The following ADAMTSL1 variants were observed in gnomAD, a reference collection of about 807,000 sequenced individuals.
The protein encoded by ADAMTSL1 is ADAMTS-like protein 1.
A neutral mutation model predicts 201.8 loss-of-function variants in ADAMTSL1; 126 were observed. The ratio of observed to expected loss-of-function variants is 0.62; its 90% CI spans 0.54 to 0.72. The LOEUF (loss-of-function observed/expected upper bound fraction) is 0.72. Among genes scored for constraint, ADAMTSL1 ranks in the 30% least tolerant of loss-of-function variants. ADAMTSL1 has a pLI of 0.00. For synonymous variants in ADAMTSL1, 1,121 were observed against 903.4 expected, an observed-to-expected ratio of 1.24 and a Z score of -4.32; for missense variants, 2,679 against 2,277.8, an observed-to-expected ratio of 1.18 and a Z score of -3.59.
intron 1 of ADAMTSL1, among the ~76,000 whole-genome samples, chr9:18,064,524 A>G (rs1822606471): frequency 6.6e-6 from 1 of 152,216 alleles, no homozygotes; most frequent in Admixed American, 6.5e-5. Flanking sequence ...CACAGTTTCT[A>G]TATTCACTTT....
chr9:18,646,904 C>A (rs192576658), intron 7 of ADAMTSL1, among the ~76,000 whole-genome samples: 19 of 151,998 alleles, frequency 1.3e-4, no homozygotes, highest in African/African-American at 2.2e-4. Flanking sequence ...CAGGCCTCAT[C>A]AAATGAGTTA....
rs188744687 is a variant in ADAMTSL1, at chr9:18,727,354, G to A, written c.2006+5689G>A. 1.4e-3 allele frequency among the ~76,000 whole-genome samples: 211 copies of A among 152,318 alleles called. 1 individual carries two copies. The highest frequency in any genetic ancestry group is 4.9e-3 in the African/African-American group (205 of 41,574). ...CCACACTAACTTTTAAGTGCTTAAA[G>A]CAAAAGTACACCAGAGCTCACTGGC... On this transcript the variant is annotated intron_variant, in intron 15 of 28. Coordinates refer to ENST00000380548, the MANE Select transcript of ADAMTSL1 (RefSeq NM_001040272.6).
intron 2 of ADAMTSL1, among the ~76,000 whole-genome samples, chr9:18,429,562 C>T (rs1317307392): frequency 6.6e-6 from 1 of 152,066 alleles, no homozygotes; most frequent in Non-Finnish European, 1.5e-5. Flanking sequence ...CAGAACAATG[C>T]TTCCAGGATT....
At chr9:18,882,567 C>T (rs1828597115) in intron 23 of ADAMTSL1, among the ~76,000 whole-genome samples, 1 of 152,130 alleles carries the variant, frequency 6.6e-6, no homozygotes, top group South Asian at 2.1e-4. Flanking sequence ...GGACTGACTT[C>T]TCTCCCCAAG....
chr9:18,164,794 C>T (rs562534750), intron 2 of ADAMTSL1, among the ~76,000 whole-genome samples: 1 of 151,980 alleles, frequency 6.6e-6, no homozygotes, highest in African/African-American at 2.4e-5. Context: ...ACCTTCTGTA[C>T]CCTAACTCTT....
intron 12 of ADAMTSL1, 103 bp downstream of exon 12, chr9:18,682,062 TAAG>T (rs1034562966): frequency 1.4e-5 from 18 of 1,295,766 alleles, no homozygotes; most frequent in Non-Finnish European, 1.7e-5. Context: ...GTATTCTTAG[TAAG>T]AATTCTTTAT....
intron 2 of ADAMTSL1, among the ~76,000 whole-genome samples, chr9:18,223,094 T>G (rs557770087): frequency 7.2e-5 from 11 of 152,176 alleles, no homozygotes; most frequent in African/African-American, 2.6e-4. Context: ...TAAGGCTTGG[T>G]GTATTCATCA....
intron 2 of ADAMTSL1, among the ~76,000 whole-genome samples, chr9:18,225,819 T>C (rs529839026): frequency 2.0e-5 from 3 of 152,280 alleles, no homozygotes; most frequent in Non-Finnish European, 4.4e-5. Flanking sequence ...ATACTCTAAT[T>C]AAAATTCCTG....
chr9:17,963,412 G>A (rs1168075945), intron 1 of ADAMTSL1, among the ~76,000 whole-genome samples: 2 of 152,166 alleles, frequency 1.3e-5, no homozygotes, highest in Non-Finnish European at 2.9e-5. Context: ...CATTCAGGAT[G>A]ACATTTTATT....
At chr9:18,701,748 TA>T (rs1293044483) in intron 13 of ADAMTSL1, among the ~76,000 whole-genome samples, 2 of 152,198 alleles carry the variant, frequency 1.3e-5, no homozygotes, top group African/African-American at 4.8e-5. Flanking sequence ...ATTTTTAAAT[TA>T]GGGCATGAAA....
chr9:18,696,874 T>C (rs1248320943), intron 13 of ADAMTSL1, among the ~76,000 whole-genome samples: 1 of 148,126 alleles, frequency 6.8e-6, no homozygotes, highest in Non-Finnish European at 1.5e-5. Flanking sequence ...AATATTATTA[T>C]TATTATTATT....
intron 3 of ADAMTSL1, among the ~76,000 whole-genome samples, chr9:18,549,560 T>A (rs976280302): frequency 1.1e-4 from 17 of 152,050 alleles, no homozygotes; most frequent in Non-Finnish European, 2.4e-4. Context: ...TATGTATGTA[T>A]GTATGTATGC....
intron 1 of ADAMTSL1, among the ~76,000 whole-genome samples, chr9:18,092,308 C>G (rs545624141): frequency 3.6e-4 from 55 of 152,208 alleles, no homozygotes; most frequent in African/African-American, 1.1e-3. Context: ...GAGATTATCT[C>G]TCTGGGAAGG....
intron 2 of ADAMTSL1, among the ~76,000 whole-genome samples, chr9:18,183,569 T>C (rs547117820): frequency 1.3e-5 from 2 of 152,222 alleles, no homozygotes; most frequent in African/African-American, 2.4e-5. Context: ...CCTTAACAGA[T>C]ACCTCACCAA....
chr9:18,233,298 T>C (rs1332080595), intron 2 of ADAMTSL1, among the ~76,000 whole-genome samples: 5 of 152,120 alleles, frequency 3.3e-5, no homozygotes, highest in African/African-American at 1.2e-4. Flanking sequence ...TGTAAGAATA[T>C]GAAAAACAAA....
rs568971674 is a variant in ADAMTSL1, at chr9:18,486,735, T to C, written c.63+12440T>C. On this transcript the variant is annotated intron_variant, in intron 1 of 28. Transcript: ENST00000380548. The stretch of plus-strand genomic sequence containing the variant: ...AAAAGCGGAGTGGGAGTGAAAATCC[T>C]GTGCTTTTTGAAAGCTTTACCTCCC... 9.2e-5 allele frequency among the ~76,000 whole-genome samples: 14 copies of C among 152,258 alleles called. No homozygotes were observed. The East Asian group carries it at 2.5e-3, about 27-fold the overall frequency.
At chr9:18,365,143 A>T (rs1836712823) in intron 2 of ADAMTSL1, among the ~76,000 whole-genome samples, 1 of 152,164 alleles carries the variant, frequency 6.6e-6, no homozygotes, top group South Asian at 2.1e-4. Context: ...AGTAGCTCCA[A>T]ACCATAACCA....
intron 9 of ADAMTSL1, among the ~76,000 whole-genome samples, chr9:18,672,202 C>A (rs1198604375): frequency 6.8e-6 from 1 of 147,490 alleles, no homozygotes; most frequent in African/African-American, 2.5e-5. Context: ...TTTTTTTTAA[C>A]ACTGGGGACT....
At chr9:18,033,459 T>A (rs1191706736) in intron 1 of ADAMTSL1, among the ~76,000 whole-genome samples, 1 of 152,222 alleles carries the variant, frequency 6.6e-6, no homozygotes. Flanking sequence ...TGTTTCCACT[T>A]CTTTCCATTG....
Sources: allele counts gnomAD v4.1 joint callset (sites outside exome capture counted in the v4.1 genomes callset), GRCh38; gene constraint gnomAD v4.1.1; transcripts MANE v1.5; gene names NCBI Gene and HGNC (gene_info 2026-07-23, HGNC 2026-07-21).